Variants in WAPL observed in about 807,000 individuals in gnomAD.
The protein encoded by WAPL is wings apart-like protein homolog.
Under a neutral mutation model 121.0 loss-of-function variants are expected in WAPL, and 5 were observed. The ratio of observed to expected loss-of-function variants is 0.04; its 90% confidence interval spans 0.02 to 0.09. The LOEUF (loss-of-function observed/expected upper bound fraction) is 0.09. Among genes scored for constraint, WAPL ranks in the 10% least tolerant of loss-of-function variants. WAPL has a pLI of 1.00. For synonymous variants in WAPL, 480 were observed against 481.5 expected (o/e 1.00, Z 0.04); for missense variants, 999 against 1,410.8 (o/e 0.71, Z 4.68).
intron 1 of WAPL, 111 bp from the exon 2 acceptor site, chr10:86,518,202 C>A: frequency 1.9e-6 from 2 of 1,059,170 alleles, no homozygotes; most frequent in Non-Finnish European, 2.6e-6. Context: ...ACACTCACCA[C>A]ACAGACTTTT....
chr10:86,458,897 G>A (rs1589503172), intron 12 of WAPL, 92 bp downstream of exon 12: 1 of 989,310 alleles, frequency 1.0e-6, no homozygotes, highest in East Asian at 2.5e-5. Context: ...TTTCATGGAG[G>A]AAGCTAATCC....
intron 13 of WAPL, 58 bp downstream of exon 13, chr10:86,453,598 C>T: frequency 6.6e-7 from 1 of 1,513,560 alleles, no homozygotes; most frequent in Non-Finnish European, 8.9e-7. Context: ...ACAAAAATAA[C>T]TTGTTTTCAC....
intron 17 of WAPL, among the ~76,000 whole-genome samples, chr10:86,439,758 T>C (rs1353729305): frequency 6.6e-6 from 1 of 152,174 alleles, no homozygotes; most frequent in Non-Finnish European, 1.5e-5. Flanking sequence ...CTGAAGTAAG[T>C]TAGCTCCAGT....
intron 2 of WAPL, among the ~76,000 whole-genome samples, chr10:86,516,368 T>C (rs1842556822): frequency 6.6e-6 from 1 of 152,236 alleles, no homozygotes; most frequent in Non-Finnish European, 1.5e-5. Flanking sequence ...AGTAAAACTA[T>C]GCAAGGCCCA....
intron 2 of WAPL, among the ~76,000 whole-genome samples, chr10:86,505,665 T>G (rs1273350489): frequency 6.6e-6 from 1 of 152,142 alleles, no homozygotes; most frequent in African/African-American, 2.4e-5. Flanking sequence ...TGAATTTAAA[T>G]GCATATACAT....
At chr10:86,450,240 T>G (rs1840944709) in intron 15 of WAPL, among the ~76,000 whole-genome samples, 1 of 152,174 alleles carries the variant, frequency 6.6e-6, no homozygotes, top group Non-Finnish European at 1.5e-5. Context: ...AGAATACTTT[T>G]TTTAAACGTT....
chr10:86,438,067 G>A, intron 17 of WAPL, 52 bp from the exon 18 acceptor site: 1 of 1,351,710 alleles, frequency 7.4e-7, no homozygotes, highest in South Asian at 1.2e-5. Context: ...ACATGAGATT[G>A]CACCTCGTAC....
rs1354641827 is a variant in WAPL, at chr10:86,499,798, G to A, written c.1445C>T (p.Thr482Ile). 3 of 1,613,104 alleles carry A rather than the reference G, an allele frequency of 1.9e-6. No homozygotes were observed. Among genetic ancestry groups the A allele is most frequent in the East Asian group, 2.2e-5 (1 of 44,896 alleles). ...ERKTSKKRTK[T>I]APSPSLQPPP... The stretch of plus-strand genomic sequence containing the variant: ...AGGCTGCAAGGAGGGTGATGGAGCT[G>A]TTTTAGTTCTTTTTTTGCTTGTCTT... The change falls in exon 3 of 19, where the codon ACA becomes ATA. Residue 482 changes from threonine to isoleucine, a missense_variant. This residue lies in a region of WAPL where 531 missense variants were observed against 563.1 expected (regional missense o/e 0.94). Transcript: ENST00000298767.
At chr10:86,439,361 G>T (rs957943690) in intron 17 of WAPL, among the ~76,000 whole-genome samples, 4 of 152,134 alleles carry the variant, frequency 2.6e-5, no homozygotes, top group African/African-American at 9.7e-5. Context: ...CAAAATAGTG[G>T]CTAAGGTGTC....
At chr10:86,487,839 G>A (rs1354035809) in intron 4 of WAPL, among the ~76,000 whole-genome samples, 2 of 152,166 alleles carry the variant, frequency 1.3e-5, no homozygotes, top group Non-Finnish European at 2.9e-5. Context: ...AGCTTGCAGT[G>A]AGCTGAGATC....
At chr10:86,513,481 C>T (rs773873645) in intron 2 of WAPL, among the ~76,000 whole-genome samples, 1 of 151,742 alleles carries the variant, frequency 6.6e-6, no homozygotes, top group Non-Finnish European at 1.5e-5. Flanking sequence ...TACAGACATG[C>T]GCCACCACAC....
At chr10:86,504,330 C>T (rs1373642960) in intron 2 of WAPL, among the ~76,000 whole-genome samples, 1 of 150,640 alleles carries the variant, frequency 6.6e-6, no homozygotes, top group South Asian at 2.1e-4. Flanking sequence ...TATAAGCCCT[C>T]GGTATGTGCC....
intron 15 of WAPL, among the ~76,000 whole-genome samples, chr10:86,450,095 T>A (rs1294548383): frequency 6.6e-6 from 1 of 152,240 alleles, no homozygotes; most frequent in African/African-American, 2.4e-5. Context: ...TACAGTTATA[T>A]AAGATGTCAC....
chr10:86,466,103 C>A (rs1218329905), intron 9 of WAPL, among the ~76,000 whole-genome samples: 1 of 152,050 alleles, frequency 6.6e-6, no homozygotes, highest in Non-Finnish European at 1.5e-5. Flanking sequence ...ACACATGGGG[C>A]ATTGTGATGA....
At position 86,498,381 on chromosome 10, in the gene WAPL, C is replaced by A. The variant is rs191855563; in HGVS notation, c.1526-1062G>T. ...CTCCAGAAAAGATTCAAAGACAACA[C>A]TGGATGTATTTCTTTTTTCTTTTTT... On this transcript the variant is annotated intron_variant, in intron 3 of 18. Coordinates refer to ENST00000298767, the MANE Select transcript of WAPL (RefSeq NM_015045.5). Among the ~76,000 whole-genome samples, 287 of 152,284 alleles carry A rather than the reference C, an allele frequency of 1.9e-3. 1 individual carries two copies. The highest frequency in any genetic ancestry group is 3.8e-3 in the Admixed American group (58 of 15,294).
chr10:86,503,298 T>C (rs1842281601), intron 2 of WAPL, among the ~76,000 whole-genome samples: 2 of 152,078 alleles, frequency 1.3e-5, no homozygotes, highest in Admixed American at 6.6e-5. Flanking sequence ...ACAATGCCTT[T>C]AACCTGTAAG....
intron 2 of WAPL, among the ~76,000 whole-genome samples, chr10:86,509,765 GTTT>G (rs11307100): frequency 6.8e-5 from 8 of 117,672 alleles, no homozygotes; most frequent in Non-Finnish European, 9.2e-5. Context: ...AAGCTCTTTG[GTTT>G]TTTTTTTTTT....
intron 15 of WAPL, among the ~76,000 whole-genome samples, chr10:86,447,278 G>T (rs1262115717): frequency 6.6e-6 from 1 of 152,178 alleles, no homozygotes; most frequent in Non-Finnish European, 1.5e-5. Flanking sequence ...AAGCTCTCTG[G>T]ATTTCCCAAT....
rs1298510501 is a variant in WAPL at position 86,500,555 on chromosome 10, C to T, written c.688G>A (p.Gly230Arg). The T allele has an allele frequency of 3.1e-6, 5 of 1,613,932 alleles. No homozygotes were observed. Among genetic ancestry groups the T allele is most frequent in the Non-Finnish European group, 3.4e-6 (4 of 1,180,020 alleles). The change falls in exon 3 of 19, where the codon GGA becomes AGA. Residue 230 changes from glycine (G) to arginine (R), a missense_variant. Transcript: ENST00000298767. ...TCAAACAAACCAGTTCTAACAGATC[C>T]CTTGATTGGAGATATTTCTGATGGT... ...ESPSEISPIK[G>R]SVRTGLFEWD...
Sources: allele counts gnomAD v4.1 joint callset (sites outside exome capture counted in the v4.1 genomes callset), GRCh38; gene constraint gnomAD v4.1.1; regional missense constraint gnomAD v4.1.1; transcripts MANE v1.5; gene names NCBI Gene and HGNC (gene_info 2026-07-23, HGNC 2026-07-21).